The following HERC5 variants were observed in gnomAD, a reference collection of about 807,000 sequenced individuals.
HERC5 encodes E3 ISG15--protein ligase HERC5.
HERC5 carries 99 observed loss-of-function variants against 119.6 expected under a neutral mutation model. The observed-to-expected ratio is 0.83, with a 90% confidence interval of 0.70 to 0.98. The LOEUF (loss-of-function observed/expected upper bound fraction) is 0.98. Ranked by LOEUF, HERC5 falls within the 50% of genes least tolerant of loss-of-function variation. The pLI is 0.00. For missense variants in HERC5, 1,267 were observed against 1,241.3 expected, an observed-to-expected ratio of 1.02 and a Z score of -0.31; for synonymous variants, 478 against 445.9, an observed-to-expected ratio of 1.07 and a Z score of -0.91.
chr4:88,470,339 A>G (rs867289175), intron 9 of HERC5, among the ~76,000 whole-genome samples: 13 of 152,250 alleles, frequency 8.5e-5, no homozygotes, highest in African/African-American at 2.2e-4. Context: ...AGTTCTGACC[A>G]TAAATCAAGC....
intron 13 of HERC5, among the ~76,000 whole-genome samples, chr4:88,484,513 G>A (rs1741393162): frequency 6.6e-6 from 1 of 152,202 alleles, no homozygotes; most frequent in African/African-American, 2.4e-5. Flanking sequence ...AAAGTTGAAG[G>A]AGAGCTCTTT....
chr4:88,498,794 C>T (rs559387786), intron 18 of HERC5, among the ~76,000 whole-genome samples: 1 of 152,302 alleles, frequency 6.6e-6, no homozygotes, highest in Non-Finnish European at 1.5e-5. Flanking sequence ...TGGTCTCAAA[C>T]TCTTGACCTC....
chr4:88,497,114 AC>A (rs1741821682), intron 18 of HERC5, among the ~76,000 whole-genome samples: 2 of 152,192 alleles, frequency 1.3e-5, no homozygotes, highest in South Asian at 2.1e-4. Context: ...TTTATAGATT[AC>A]CCAGTCTAAG....
intron 16 of HERC5, among the ~76,000 whole-genome samples, chr4:88,490,282 G>A (rs1406800929): frequency 6.6e-6 from 1 of 152,140 alleles, no homozygotes; most frequent in African/African-American, 2.4e-5. Flanking sequence ...ACATTATGTG[G>A]CAGATTCTGT....
At chr4:88,461,396 G>A (rs568028011) in intron 3 of HERC5, among the ~76,000 whole-genome samples, 132 of 152,276 alleles carry the variant, frequency 8.7e-4, no homozygotes, top group African/African-American at 3.0e-3. Flanking sequence ...AAGAATAAAA[G>A]TTGGGGAAGC....
At chr4:88,461,717 A>T (rs577402425) in intron 3 of HERC5, among the ~76,000 whole-genome samples, 1 of 152,334 alleles carries the variant, frequency 6.6e-6, no homozygotes, top group Admixed American at 6.5e-5. Flanking sequence ...GGGATCTTGT[A>T]ATTTCAAATG....
intron 18 of HERC5, 150 bp downstream of exon 18, chr4:88,494,481 A>G: frequency 1.5e-6 from 1 of 689,320 alleles, no homozygotes; most frequent in Non-Finnish European, 2.4e-6. Context: ...TTGTTGGATG[A>G]TAATTTCGTT....
chr4:88,463,538 A>T lies in HERC5; in HGVS notation c.695A>T (p.Asp232Val), dbSNP rs1178991344. The part of the protein sequence containing the change: ...QLGLGHTESK[D>V]DPSLIEGLDN... ...TATTTTTTTCCTTACATAGGTAAAG[A>T]TGATCCATCCCTTATTGAAGGACTA... Residue 232 changes from aspartate to valine, a missense_variant, in exon 5 of 23, where the codon GAT becomes GTT. Transcript: ENST00000264350. The T allele has an allele frequency of 1.9e-6, 3 of 1,612,246 alleles. 1 individual carries two copies. Among genetic ancestry groups the T allele is most frequent in the East Asian group, 2.2e-5 (1 of 44,866 alleles).
chr4:88,486,951 G>T, intron 14 of HERC5, 118 bp from the exon 15 acceptor site: 1 of 595,640 alleles, frequency 1.7e-6, no homozygotes, highest in Non-Finnish European at 3.0e-6. Context: ...CAGTAATTTG[G>T]ATTGCTTTTG....
chr4:88,457,183 G>C lies in HERC5; in HGVS notation c.-87G>C. On this transcript the variant is annotated 5_prime_UTR_variant, in exon 1 of 23. Transcript: ENST00000264350. ...GCGCAGCTGGTTCCCGCTCTGCAGC[G>C]CAACGCCTGAGGCAGTGGGCGCGCT... 4 of 1,238,012 alleles carry C rather than the reference G, an allele frequency of 3.2e-6. No individual in the cohort carries two copies. Among genetic ancestry groups the C allele is most frequent in the Non-Finnish European group, 4.0e-6 (4 of 990,140 alleles). 76.7% of individuals were successfully genotyped at this position (1,238,012 alleles called of 1,614,324 possible). A position where few individuals can be genotyped will look rare whatever the true frequency, so the allele number is the denominator to read the frequency against.
intron 5 of HERC5, 102 bp downstream of exon 5, chr4:88,463,725 A>G: frequency 2.9e-6 from 4 of 1,364,700 alleles, no homozygotes; most frequent in Non-Finnish European, 4.1e-6. Flanking sequence ...TCCTGTATGT[A>G]GGACTGTCCT....
Position 88,464,044 on chromosome 4 carries a change from T to C in HERC5, c.911+59T>C, listed in dbSNP as rs1036695899. ...ATGAGTGCAGCAAACTAGATAGTAA[T>C]TTAATAAAATTTCTTTCAGTTTCTT... On this transcript the variant is annotated intron_variant, in intron 6 of 22. Transcript: ENST00000264350. 7 of 1,426,802 alleles carry C rather than the reference T, an allele frequency of 4.9e-6. No individual in the cohort carries two copies. In the African/African-American group the frequency reaches 8.6e-5, roughly 18 times the overall value. 88.4% of individuals were successfully genotyped at this position (1,426,802 alleles called of 1,614,324 possible). A position where few individuals can be genotyped will look rare whatever the true frequency, so the allele number is the denominator to read the frequency against.
At chr4:88,475,065 G>A (rs1741008921) in intron 11 of HERC5, among the ~76,000 whole-genome samples, 2 of 151,144 alleles carry the variant, frequency 1.3e-5, no homozygotes, top group South Asian at 4.2e-4. Flanking sequence ...TGCTCTTATG[G>A]AAGATAATGA....
intron 18 of HERC5, 143 bp from the exon 19 acceptor site, chr4:88,499,783 A>G (rs1741895982): frequency 1.8e-6 from 1 of 552,430 alleles, no homozygotes; most frequent in Non-Finnish European, 3.2e-6. Flanking sequence ...TGTTTAGACT[A>G]TCAGTACGCA....
intron 12 of HERC5, among the ~76,000 whole-genome samples, chr4:88,477,844 G>C (rs1318222451): frequency 2.0e-5 from 3 of 152,152 alleles, no homozygotes; most frequent in Admixed American, 1.3e-4. Flanking sequence ...GTGATGAAAA[G>C]CTACTTTAAA....
chr4:88,503,383 C>A (rs903409276), intron 20 of HERC5, among the ~76,000 whole-genome samples: 1 of 152,064 alleles, frequency 6.6e-6, no homozygotes, highest in Admixed American at 6.6e-5. Flanking sequence ...GATCTTGTTG[C>A]AATATTCTAA....
Position 88,459,334 on chromosome 4 carries a change from A to C in HERC5, c.266-13A>C. On this transcript the variant is annotated splice_polypyrimidine_tract_variant and intron_variant, in intron 1 of 22. Transcript: ENST00000264350. Reference sequence around the variant, plus strand: ...CAAAGTGACAATAGTTCCTGGTTGGATTTGCTCTGTAGAATGCATTAAATT... The same window carrying C: ...CAAAGTGACAATAGTTCCTGGTTGGCTTTGCTCTGTAGAATGCATTAAATT... 1 of 1,555,470 alleles carries C rather than the reference A, an allele frequency of 6.4e-7. No homozygotes were observed. Among genetic ancestry groups the C allele is most frequent in the Non-Finnish European group, 8.6e-7 (1 of 1,157,204 alleles).
At chr4:88,460,604 A>T (rs1740395756) in intron 3 of HERC5, among the ~76,000 whole-genome samples, 2 of 152,082 alleles carry the variant, frequency 1.3e-5, no homozygotes, top group African/African-American at 4.8e-5. Context: ...GAATTCAAGG[A>T]TCTCCCTAGC....
intron 20 of HERC5, among the ~76,000 whole-genome samples, chr4:88,502,458 G>T (rs1008900960): frequency 6.6e-6 from 1 of 152,152 alleles, no homozygotes; most frequent in African/African-American, 2.4e-5. Context: ...GTGGTTCCGT[G>T]GGGCCAGGGT....
Sources: gnomAD v4.1 joint callset for allele counts (sites outside exome capture counted in the v4.1 genomes callset) on GRCh38, gnomAD v4.1.1 for gene constraint, MANE v1.5 for transcripts, NCBI Gene and HGNC (gene_info 2026-07-23, HGNC 2026-07-21) for gene names.